Variants in CAPN13 observed in about 807,000 individuals in gnomAD.
CAPN13 encodes calpain 13.
CAPN13 carries 90 observed loss-of-function variants against 98.4 expected under a neutral mutation model. That is an observed-to-expected ratio of 0.92 (90% CI 0.77 to 1.09). The LOEUF is 1.09. Among genes scored for constraint, CAPN13 ranks in the 50% least tolerant of loss-of-function variants. CAPN13 has a pLI of 0.00. For synonymous variants in CAPN13, 330 were observed against 305.5 expected (o/e 1.08, Z -0.84); for missense variants, 887 against 841.3 (o/e 1.05, Z -0.67).
chr2:30,724,551 T>G (rs1237920485), intron 22 of CAPN13, among the ~76,000 whole-genome samples: 1 of 152,204 alleles, frequency 6.6e-6, no homozygotes, highest in African/African-American at 2.4e-5. Context: ...TTCCTCCTCC[T>G]TGGTTTATGC....
chr2:30,802,143 C>T (rs797002119), intron 1 of CAPN13, among the ~76,000 whole-genome samples: 30 of 152,206 alleles, frequency 2.0e-4, no homozygotes, highest in African/African-American at 7.0e-4. Context: ...TAGGCTGAGC[C>T]CTGGACTGGG....
intron 22 of CAPN13, among the ~76,000 whole-genome samples, chr2:30,723,519 C>T (rs1558600861): frequency 6.6e-6 from 1 of 152,084 alleles, no homozygotes; most frequent in Non-Finnish European, 1.5e-5. Flanking sequence ...CATTTTAGCA[C>T]CTTGAGGGCT....
chr2:30,768,440 C>T (rs577971182), intron 5 of CAPN13, among the ~76,000 whole-genome samples: 15 of 152,204 alleles, frequency 9.9e-5, no homozygotes, highest in Admixed American at 2.0e-4. Flanking sequence ...GGAGGAGGAG[C>T]GGGCCAGCTA....
intron 8 of CAPN13, 122 bp from the exon 9 acceptor site, chr2:30,754,486 A>G: frequency 4.0e-6 from 3 of 746,370 alleles, no homozygotes; most frequent in Non-Finnish European, 6.2e-6. Context: ...GGCAAGTGTC[A>G]TCCTACCTAG....
In CAPN13 at chr2:30,786,435, G is replaced by A. The variant is rs187058647; in HGVS notation, c.198+693C>T. On this transcript the variant is annotated intron_variant, in intron 2 of 22. Transcript: ENST00000295055. ...TGTTGAGTCAGCTGAGATATTTTCC[G>A]TGGACTTGTCATGCCCTAAAATTAA... 1.4e-4 allele frequency among the ~76,000 whole-genome samples: 22 copies of A among 152,214 alleles called. No individual in the cohort carries two copies. The East Asian group carries it at 1.9e-3, about 13-fold the overall frequency.
At chr2:30,759,221 T>A (rs1672693008) in intron 7 of CAPN13, among the ~76,000 whole-genome samples, 1 of 145,382 alleles carries the variant, frequency 6.9e-6, no homozygotes, top group Non-Finnish European at 1.5e-5. Context: ...CTGCCTTCCC[T>A]CTTCTCTCCC....
chr2:30,758,091 G>T lies in CAPN13; in HGVS notation c.821C>A (p.Pro274His), dbSNP rs1245630208. 6.2e-7 allele frequency: 1 copy of T among 1,610,508 alleles called. No individual in the cohort carries two copies. The highest frequency in any genetic ancestry group is 8.5e-7 in the Non-Finnish European group (1 of 1,178,600). The change falls in exon 8 of 23, where the codon CCC becomes CAC. Residue 274 changes from proline (P) to histidine (H), a missense_variant. Transcript: ENST00000295055. ...CCATTCGGCCTCGCCCCAGCCCCAGGGGTTCCACAGGGAGATAATTTCTTC... is the reference window on the plus strand; with the variant it reads ...CCATTCGGCCTCGCCCCAGCCCCAGTGGTTCCACAGGGAGATAATTTCTTC... ...GWEEIISLWNPWGWGEAEWRG... is the reference protein window; with the variant it reads ...GWEEIISLWNHWGWGEAEWRG...
At chr2:30,734,390 G>T in intron 19 of CAPN13, 59 bp downstream of exon 19, 2 of 1,330,124 alleles carry the variant, frequency 1.5e-6, no homozygotes, top group Non-Finnish European at 2.2e-6. Flanking sequence ...TACTAGGGGT[G>T]TGGGCATCAC....
chr2:30,760,449 G>C (rs2148013912), intron 7 of CAPN13, among the ~76,000 whole-genome samples: 1 of 152,270 alleles, frequency 6.6e-6, no homozygotes, highest in Admixed American at 6.5e-5. Context: ...ATGGTGGGGA[G>C]AAAAGCAGCC....
intron 2 of CAPN13, among the ~76,000 whole-genome samples, chr2:30,783,858 C>T (rs6548036): frequency 1.3e-5 from 2 of 152,058 alleles, no homozygotes; most frequent in African/African-American, 4.8e-5. Context: ...TATAGCTTGG[C>T]AGTCAACTTT....
At chr2:30,748,320 A>G (rs1672015596) in intron 11 of CAPN13, among the ~76,000 whole-genome samples, 1 of 152,198 alleles carries the variant, frequency 6.6e-6, no homozygotes, top group African/African-American at 2.4e-5. Flanking sequence ...AAGGCACCAG[A>G]GTCAGCAGGA....
intron 7 of CAPN13, among the ~76,000 whole-genome samples, chr2:30,758,815 TCC>T (rs1558314778): frequency 0.043 from 3,199 of 75,220 alleles, 104 homozygotes; most frequent in East Asian, 0.24. Context: ...TCCCTTCCCT[TCC>T]TCCCTTCCTT....
intron 15 of CAPN13, among the ~76,000 whole-genome samples, chr2:30,740,243 C>A (rs570567441): frequency 6.6e-6 from 1 of 151,962 alleles, no homozygotes; most frequent in South Asian, 2.1e-4. Flanking sequence ...TACAGGCGTG[C>A]GCTACCATGC....
intron 7 of CAPN13, among the ~76,000 whole-genome samples, chr2:30,759,290 T>A (rs1672697986): frequency 6.6e-6 from 1 of 152,062 alleles, no homozygotes; most frequent in Non-Finnish European, 1.5e-5. Context: ...TAACTCATAG[T>A]CGTGCACTTC....
At chr2:30,766,267 G>A (rs1673105680) in intron 5 of CAPN13, among the ~76,000 whole-genome samples, 1 of 152,164 alleles carries the variant, frequency 6.6e-6, no homozygotes, top group Admixed American at 6.5e-5. Context: ...CTGTCTCACT[G>A]CCTGTGGGCC....
intron 7 of CAPN13, among the ~76,000 whole-genome samples, chr2:30,762,854 G>A (rs368250750): frequency 6.6e-6 from 1 of 152,342 alleles, no homozygotes; most frequent in African/African-American, 2.4e-5. Context: ...CAACAGGACA[G>A]CAACATCTCT....
intron 13 of CAPN13, chr2:30,743,154 T>C: frequency 1.8e-6 from 1 of 562,948 alleles, no homozygotes. Flanking sequence ...CCCGTGCCAC[T>C]TTGCATTTCC....
intron 2 of CAPN13, among the ~76,000 whole-genome samples, chr2:30,780,679 T>C (rs1054168307): frequency 2.0e-5 from 3 of 152,230 alleles, no homozygotes; most frequent in African/African-American, 4.8e-5. Context: ...AGGAGTCATT[T>C]TCATCAAAGG....
Position 30,777,571 on chromosome 2 carries a change from G to T in CAPN13, c.267C>A (p.Gly89=). ...DISRFDIQQG[G]AADCWFLAAL... ...GGGAAGATGTTGCACTCTTACCTGC[G>T]CCTCCTTGTTGGATGTCAAATCTGC... Residue 89 remains glycine, a synonymous_variant, in exon 3 of 23, where the codon GGC becomes GGA. Coordinates refer to ENST00000295055, the MANE Select transcript of CAPN13 (RefSeq NM_144575.3). The T allele has an allele frequency of 1.3e-6, 2 of 1,574,392 alleles. No individual in the cohort carries two copies. The highest frequency in any genetic ancestry group is 1.7e-6 in the Non-Finnish European group (2 of 1,158,276).
Sources: allele counts gnomAD v4.1 joint callset (sites outside exome capture counted in the v4.1 genomes callset), GRCh38; gene constraint gnomAD v4.1.1; transcripts MANE v1.5; gene names NCBI Gene and HGNC (gene_info 2026-07-23, HGNC 2026-07-21).